Variants in AGBL1 observed in about 807,000 individuals in gnomAD.
AGBL1 encodes the protein AGBL carboxypeptidase 1.
In AGBL1, 130 loss-of-function variants were observed where a neutral mutation model predicts 118.9. The ratio of observed to expected loss-of-function variants is 1.09; its 90% CI spans 0.95 to 1.26. AGBL1 has a LOEUF of 1.26. AGBL1 is among the 50% of genes most tolerant of loss of function. The pLI is 0.00. For missense variants in AGBL1, 1,584 were observed against 1,298.1 expected, an observed-to-expected ratio of 1.22 and a Z score of -3.38; for synonymous variants, 555 against 478.9, an observed-to-expected ratio of 1.16 and a Z score of -2.08.
intron 15 of AGBL1, among the ~76,000 whole-genome samples, chr15:86,272,300 A>G (rs939878671): frequency 2.0e-5 from 3 of 152,216 alleles, no homozygotes; most frequent in Non-Finnish European, 2.9e-5. Flanking sequence ...ATTTTGATGA[A>G]AGAAATGCAT....
chr15:86,919,685 C>T (rs1341639531), downstream of AGBL1, among the ~76,000 whole-genome samples: 1 of 152,014 alleles, frequency 6.6e-6, no homozygotes, highest in Non-Finnish European at 1.5e-5. Flanking sequence ...TAATTTGGTG[C>T]CTGTTGCAGA....
chr15:86,591,791 ACCTTTAGCC>A (rs1022492348), intron 21 of AGBL1, among the ~76,000 whole-genome samples: 7 of 151,976 alleles, frequency 4.6e-5, no homozygotes, highest in African/African-American at 1.7e-4. Context: ...GATTAGTTTA[ACCTTTAGCC>A]CCTCTCCTCT....
chr15:87,012,266 T>TAAA (rs34208061), intron 24 of AGBL1, among the ~76,000 whole-genome samples: 1 of 149,180 alleles, frequency 6.7e-6, no homozygotes, highest in Non-Finnish European at 1.5e-5. Flanking sequence ...CAAGCTAGGT[T>TAAA]AAAAAAAAAA....
intron 1 of AGBL1, among the ~76,000 whole-genome samples, chr15:86,135,308 T>C (rs538279281): frequency 3.3e-5 from 5 of 152,372 alleles, no homozygotes; most frequent in African/African-American, 1.2e-4. Flanking sequence ...AAGCAGATGC[T>C]GGGTCCATGC....
At chr15:86,747,704 C>A (rs2077777570) in intron 22 of AGBL1, among the ~76,000 whole-genome samples, 1 of 152,116 alleles carries the variant, frequency 6.6e-6, no homozygotes, top group Non-Finnish European at 1.5e-5. Context: ...GTTCAGTTCC[C>A]ACCTAGGAGT....
intron 1 of AGBL1, among the ~76,000 whole-genome samples, chr15:86,080,982 A>G (rs569873745): frequency 6.6e-6 from 1 of 152,248 alleles, no homozygotes; most frequent in South Asian, 2.1e-4. Flanking sequence ...GAATATAAAC[A>G]TTTTGTACGT....
At chr15:86,180,240 A>G (rs2077534326) in intron 5 of AGBL1, among the ~76,000 whole-genome samples, 1 of 152,064 alleles carries the variant, frequency 6.6e-6, no homozygotes, top group Non-Finnish European at 1.5e-5. Context: ...TAGAATAGCC[A>G]AAGCAAATTT....
chr15:86,516,698 G>C (rs2083125303), intron 18 of AGBL1, among the ~76,000 whole-genome samples: 2 of 151,962 alleles, frequency 1.3e-5, no homozygotes, highest in Admixed American at 1.3e-4. Flanking sequence ...CTACTCTGGA[G>C]GCTGAGGCAG....
At chr15:86,631,979 C>A (rs1430907681) in intron 21 of AGBL1, among the ~76,000 whole-genome samples, 1 of 151,458 alleles carries the variant, frequency 6.6e-6, no homozygotes, top group African/African-American at 2.4e-5. Flanking sequence ...CTCTTGAAAC[C>A]AAGAGTTTGA....
chr15:86,992,230 A>T (rs1053622979), intron 24 of AGBL1, among the ~76,000 whole-genome samples: 16 of 152,018 alleles, frequency 1.1e-4, no homozygotes, highest in African/African-American at 3.6e-4. Context: ...GAACTCACTC[A>T]TTACTGCCAG....
At chr15:86,323,405 A>T (rs1567198687) in intron 17 of AGBL1, among the ~76,000 whole-genome samples, 1 of 114,340 alleles carries the variant, frequency 8.7e-6, no homozygotes, top group Non-Finnish European at 1.8e-5. Flanking sequence ...TGTCAGGGAG[A>T]GTCATATTTT....
chr15:86,810,280 T>A (rs2078770085), intron 22 of AGBL1, among the ~76,000 whole-genome samples: 1 of 152,020 alleles, frequency 6.6e-6, no homozygotes, highest in African/African-American at 2.4e-5. Flanking sequence ...TCCTTTTGAG[T>A]GAGTAGAGGT....
At position 86,453,021 on chromosome 15, in the gene AGBL1, C is replaced by T. The variant is rs114904399; in HGVS notation, c.2555+55475C>T. ...TATGCCTTACCCTTCTTAATCATTT[C>T]CACTGCCCTTAGCCTTATGTTACAC... On this transcript the variant is annotated intron_variant, in intron 18 of 22. Transcript: ENST00000614907. Among the ~76,000 whole-genome samples the T allele has an allele frequency of 9.3e-3, 1,409 of 152,264 alleles. 26 individuals carry two copies. Among genetic ancestry groups the T allele is most frequent in the African/African-American group, 0.032 (1,346 of 41,542 alleles).
chr15:86,931,687 G>C (rs549843092), intron 23 of AGBL1, among the ~76,000 whole-genome samples: 2 of 152,154 alleles, frequency 1.3e-5, no homozygotes, highest in African/African-American at 4.8e-5. Flanking sequence ...TTTAAGGTAT[G>C]TGTGTGGTGT....
At chr15:86,792,191 C>G (rs1422345780) in intron 22 of AGBL1, among the ~76,000 whole-genome samples, 1 of 152,162 alleles carries the variant, frequency 6.6e-6, no homozygotes, top group Non-Finnish European at 1.5e-5. Flanking sequence ...ACAGCTGTCC[C>G]TTAAGCATTA....
chr15:86,280,726 T>G (rs138237268), intron 16 of AGBL1, among the ~76,000 whole-genome samples: 12 of 152,336 alleles, frequency 7.9e-5, no homozygotes, highest in African/African-American at 2.4e-4. Flanking sequence ...CAAGAACATC[T>G]TTTCCTTCAA....
chr15:86,868,836 G>A (rs2079677732), intron 22 of AGBL1, among the ~76,000 whole-genome samples: 1 of 152,008 alleles, frequency 6.6e-6, no homozygotes, highest in African/African-American at 2.4e-5. Flanking sequence ...GCAACATGTT[G>A]AAAAAATAAA....
chr15:86,655,750 A>G (rs764991627), intron 21 of AGBL1, among the ~76,000 whole-genome samples: 65 of 152,218 alleles, frequency 4.3e-4, no homozygotes, highest in Non-Finnish European at 8.5e-4. Context: ...GTGGTCAGGA[A>G]ACACTTCAAG....
chr15:86,897,657 G>C (rs2080147500), intron 22 of AGBL1, among the ~76,000 whole-genome samples: 1 of 150,138 alleles, frequency 6.7e-6, no homozygotes, highest in Non-Finnish European at 1.5e-5. Context: ...TCCCCCCAGT[G>C]GTTTCCACCC....
Sources: gnomAD v4.1 joint callset for allele counts (sites outside exome capture counted in the v4.1 genomes callset) on GRCh38, gnomAD v4.1.1 for gene constraint, MANE v1.5 for transcripts, NCBI Gene and HGNC (gene_info 2026-07-23, HGNC 2026-07-21) for gene names.